Variants in LIN54 observed in about 807,000 individuals in gnomAD.
LIN54 encodes the protein lin-54 DREAM MuvB core complex component.
In LIN54, 9 loss-of-function variants were observed where a neutral mutation model predicts 78.7. That is an observed-to-expected ratio of 0.11 (90% CI 0.07 to 0.20). LIN54 has a LOEUF of 0.20. Ranked by LOEUF, LIN54 falls within the 10% of genes least tolerant of loss-of-function variation. The pLI is 1.00. For synonymous variants in LIN54, 269 were observed against 318.4 expected (o/e 0.84, Z 1.65); for missense variants, 573 against 889.9 (o/e 0.64, Z 4.53).
chr4:82,978,577 T>C (rs1026240502), intron 3 of LIN54, among the ~76,000 whole-genome samples: 3 of 152,206 alleles, frequency 2.0e-5, no homozygotes, highest in Non-Finnish European at 2.9e-5. Context: ...ATAGTCACTA[T>C]ATGTAAAGGG....
rs1721593009 is a variant in LIN54, at chr4:82,927,718, G to A, written c.*384C>T. 1 of 164,982 alleles carries A rather than the reference G, an allele frequency of 6.1e-6. No homozygotes were observed. The allele number at this position is 164,982 out of a possible 1,614,324, so 10.2% of individuals were successfully genotyped here. On this transcript the variant is annotated 3_prime_UTR_variant, in exon 13 of 13. Transcript: ENST00000340417. ...CAGATATTCTAGATCAAGTCCCAAA[G>A]AATGGGTGCTAACCACTGCTGCTTT...
rs1043436834 is a variant in LIN54 at position 83,010,654 on chromosome 4, C to A, written c.-203G>T. 7.3e-6 allele frequency: 9 copies of A among 1,231,448 alleles called. No individual in the cohort carries two copies. The African/African-American group carries it at 1.4e-4, about 19-fold the overall frequency. 76.3% of individuals were successfully genotyped at this position (1,231,448 alleles called of 1,614,324 possible). A position where few individuals can be genotyped will look rare whatever the true frequency, so the allele number is the denominator to read the frequency against. On this transcript the variant is annotated 5_prime_UTR_variant, in exon 1 of 13. Transcript: ENST00000340417. ...GGAGCGCTCCAGGGTACCCGGGGACCGAGAAGGGAGCCGGGGTGGCGACGT... is the reference window on the plus strand; with the variant it reads ...GGAGCGCTCCAGGGTACCCGGGGACAGAGAAGGGAGCCGGGGTGGCGACGT...
chr4:82,954,288 A>G (rs1050605602), intron 4 of LIN54, among the ~76,000 whole-genome samples: 1 of 152,038 alleles, frequency 6.6e-6, no homozygotes, highest in Non-Finnish European at 1.5e-5. Flanking sequence ...TGTACCACAG[A>G]CATTTTTAAG....
At chr4:82,978,645 G>A (rs1028824538) in intron 3 of LIN54, among the ~76,000 whole-genome samples, 1 of 152,174 alleles carries the variant, frequency 6.6e-6, no homozygotes, top group Admixed American at 6.5e-5. Context: ...ACTATTACTG[G>A]AGTTTGAGAC....
At chr4:82,928,629 T>C (rs1452900174) in intron 12 of LIN54, among the ~76,000 whole-genome samples, 1 of 152,222 alleles carries the variant, frequency 6.6e-6, no homozygotes, top group African/African-American at 2.4e-5. Flanking sequence ...TCCTAAATCA[T>C]GAATGTACGC....
intron 2 of LIN54, among the ~76,000 whole-genome samples, chr4:82,983,814 AT>A (rs1305954789): frequency 6.6e-6 from 1 of 152,116 alleles, no homozygotes; most frequent in African/African-American, 2.4e-5. Flanking sequence ...TGTCTACATG[AT>A]TTTTTTGATA....
At chr4:82,972,988 G>A (rs528286494) in intron 3 of LIN54, among the ~76,000 whole-genome samples, 52 of 147,350 alleles carry the variant, frequency 3.5e-4, no homozygotes, top group Non-Finnish European at 4.9e-4. Flanking sequence ...CAGAAAATCC[G>A]CAATTCCTGA....
At position 83,010,714 on chromosome 4, in the gene LIN54, G is replaced by A; in HGVS notation, c.-263C>T. On this transcript the variant is annotated 5_prime_UTR_variant, in exon 1 of 13. Coordinates refer to ENST00000340417, the MANE Select transcript of LIN54 (RefSeq NM_194282.4). ...CGCCGCCTCTGGTATGTCAGGGGCC[G>A]GGATTGTATTTCGAAAGATCCGCCA... 8.1e-7 allele frequency: 1 copy of A among 1,229,362 alleles called. No homozygotes were observed. The highest frequency in any genetic ancestry group is 1.0e-6 in the Non-Finnish European group (1 of 986,204). 76.2% of individuals were successfully genotyped at this position (1,229,362 alleles called of 1,614,324 possible). A position where few individuals can be genotyped will look rare whatever the true frequency, so the allele number is the denominator to read the frequency against.
intron 5 of LIN54, among the ~76,000 whole-genome samples, chr4:82,945,265 A>T (rs562687289): frequency 6.6e-6 from 1 of 152,308 alleles, no homozygotes; most frequent in South Asian, 2.1e-4. Context: ...GCTTCTTGAC[A>T]TTGTCAGAAT....
At position 82,964,782 on chromosome 4, in the gene LIN54, T is replaced by C. The variant is rs1254546803; in HGVS notation, c.951+5545A>G. ...GGCTCATGCCTGTCATCCCAGCACTTTGGGAGGCTGAGTTGGGTAGATCAC... is the reference window on the plus strand; with the variant it reads ...GGCTCATGCCTGTCATCCCAGCACTCTGGGAGGCTGAGTTGGGTAGATCAC... On this transcript the variant is annotated intron_variant, in intron 4 of 12. Coordinates refer to ENST00000340417, the MANE Select transcript of LIN54 (RefSeq NM_194282.4). 2.0e-5 allele frequency among the ~76,000 whole-genome samples: 3 copies of C among 152,272 alleles called. No homozygotes were observed. The South Asian group carries it at 6.2e-4, about 32-fold the overall frequency.
chr4:82,937,056 A>C (rs1722449511), intron 9 of LIN54, among the ~76,000 whole-genome samples, 171 bp downstream of exon 9: 2 of 146,138 alleles, frequency 1.4e-5, no homozygotes, highest in South Asian at 4.7e-4. Context: ...TTCTAGATGA[A>C]TGAAATAATA....
In LIN54 at chr4:82,928,060, A is replaced by C. The variant is rs769974632; in HGVS notation, c.*42T>G. The C allele has an allele frequency of 1.4e-5, 22 of 1,559,898 alleles. No individual in the cohort carries two copies. In the African/African-American group the frequency reaches 1.9e-4, roughly 13 times the overall value. Reference sequence around the variant, plus strand: ...GAAAATCAAGTGTCCCTGCACCTTAAATTTTCTGTACAGTTCCATTTATCA... The same window carrying C: ...GAAAATCAAGTGTCCCTGCACCTTACATTTTCTGTACAGTTCCATTTATCA... On this transcript the variant is annotated 3_prime_UTR_variant, in exon 13 of 13. Transcript: ENST00000340417.
chr4:82,982,595 A>G (rs1726769179), intron 2 of LIN54, among the ~76,000 whole-genome samples: 1 of 152,198 alleles, frequency 6.6e-6, no homozygotes, highest in Non-Finnish European at 1.5e-5. Context: ...TGGTAAACCA[A>G]TAAAAACAAG....
intron 2 of LIN54, 103 bp from the exon 3 acceptor site, chr4:82,979,109 C>A: frequency 1.4e-6 from 1 of 716,912 alleles, no homozygotes; most frequent in Non-Finnish European, 2.2e-6. Flanking sequence ...GTAAAACCAG[C>A]TCACTTAACA....
intron 4 of LIN54, among the ~76,000 whole-genome samples, chr4:82,967,026 G>A (rs1438017980): frequency 1.3e-5 from 2 of 151,872 alleles, no homozygotes; most frequent in Non-Finnish European, 1.5e-5. Context: ...TCAGGAGATC[G>A]AGACCCTCCT....
At chr4:82,996,419 T>A (rs1384577885) in intron 1 of LIN54, among the ~76,000 whole-genome samples, 1 of 152,054 alleles carries the variant, frequency 6.6e-6, no homozygotes, top group African/African-American at 2.4e-5. Context: ...ATTTATTTAT[T>A]TTTTGAGACA....
At chr4:82,994,996 A>G (rs1056251810) in intron 1 of LIN54, among the ~76,000 whole-genome samples, 1 of 152,032 alleles carries the variant, frequency 6.6e-6, no homozygotes, top group Non-Finnish European at 1.5e-5. Flanking sequence ...AACTTCTAAC[A>G]AGAAAAGGTC....
At chr4:82,934,010 C>T (rs1049978915) in intron 11 of LIN54, among the ~76,000 whole-genome samples, 1 of 152,094 alleles carries the variant, frequency 6.6e-6, no homozygotes, top group African/African-American at 2.4e-5. Context: ...GGCTTCTAAA[C>T]GCAAGCCGGC....
At chr4:82,956,853 GCTCAAGTGATT>G (rs1724378811) in intron 4 of LIN54, among the ~76,000 whole-genome samples, 1 of 151,950 alleles carries the variant, frequency 6.6e-6, no homozygotes, top group Non-Finnish European at 1.5e-5. Flanking sequence ...GAACTCTTGA[GCTCAAGTGATT>G]CTCCCACCTC....
Sources: allele counts gnomAD v4.1 joint callset (sites outside exome capture counted in the v4.1 genomes callset), GRCh38; gene constraint gnomAD v4.1.1; transcripts MANE v1.5; gene names NCBI Gene and HGNC (gene_info 2026-07-23, HGNC 2026-07-21).